The following ZBTB8A variants were observed in gnomAD, a reference collection of about 807,000 sequenced individuals.
The protein encoded by ZBTB8A is zinc finger and BTB domain-containing protein 8A.
In ZBTB8A, 19 loss-of-function variants were observed where a neutral mutation model predicts 37.8. That is an observed-to-expected ratio of 0.50 (90% CI 0.35 to 0.74). The LOEUF is 0.74. Ranked by LOEUF, ZBTB8A falls within the 30% of genes least tolerant of loss-of-function variation. ZBTB8A has a pLI of 0.01. For synonymous variants in ZBTB8A, 181 were observed against 185.2 expected (o/e 0.98, Z 0.19); for missense variants, 394 against 537.8 (o/e 0.73, Z 2.65).
At chr1:32,567,781 G>T in intron 2 of ZBTB8A, among the ~76,000 whole-genome samples, 1 of 92,364 alleles carries the variant, frequency 1.1e-5, no homozygotes, top group African/African-American at 4.2e-5. Flanking sequence ...GATAGAGCAG[G>T]ATTCTGTCTC....
At chr1:32,573,481 G>A (rs1644337995) in intron 2 of ZBTB8A, among the ~76,000 whole-genome samples, 1 of 150,412 alleles carries the variant, frequency 6.6e-6, no homozygotes, top group African/African-American at 2.4e-5. Context: ...CACCCAGGCT[G>A]ATGTGTGGTG....
At chr1:32,554,426 C>T (rs1215476801) in intron 2 of ZBTB8A, among the ~76,000 whole-genome samples, 4 of 150,940 alleles carry the variant, frequency 2.7e-5, no homozygotes, top group African/African-American at 9.7e-5. Context: ...CTTTTTTTAA[C>T]ACCCAGCATA....
chr1:32,583,380 C>CCA (rs1553179371), intron 2 of ZBTB8A, among the ~76,000 whole-genome samples: 8 of 68,124 alleles, frequency 1.2e-4, no homozygotes, highest in Non-Finnish European at 2.1e-4. Context: ...GACCCTGTCT[C>CCA]AAAAAAAAAA....
At position 32,586,464 on chromosome 1, in the gene ZBTB8A, A is replaced by G. The variant is rs186338052; in HGVS notation, c.-1-6467A>G. The stretch of plus-strand genomic sequence containing the variant: ...ATAGGCAAAGTCTCTTCTCTCTTGG[A>G]CTTTACATTTTAGTAGGAGAAGACA... On this transcript the variant is annotated intron_variant, in intron 2 of 4. Coordinates refer to ENST00000373510, the MANE Select transcript of ZBTB8A (RefSeq NM_001040441.3). Among the ~76,000 whole-genome samples, 22 of 152,284 alleles carry G rather than the reference A, an allele frequency of 1.4e-4. 1 individual carries two copies. The highest frequency in any genetic ancestry group is 4.6e-4 in the African/African-American group (19 of 41,530).
At chr1:32,551,012 C>G (rs903889172) in intron 1 of ZBTB8A, among the ~76,000 whole-genome samples, 2 of 150,796 alleles carry the variant, frequency 1.3e-5, no homozygotes, top group Non-Finnish European at 2.9e-5. Context: ...GTACGCTGGA[C>G]AGTAGTTAAT....
Position 32,592,935 on chromosome 1 carries a change from G to A in ZBTB8A, c.4G>A (p.Glu2Lys), listed in dbSNP as rs771134218. The A allele has an allele frequency of 1.3e-6, 2 of 1,594,768 alleles. No homozygotes were observed. The highest frequency in any genetic ancestry group is 2.7e-5 in the African/African-American group (2 of 74,058). M[E>K]ISSHQSHLLQ... ...CATGTGTCTTTTCCTCTTCAGAATG[G>A]AGATCTCCTCTCATCAGTCTCACCT... The change falls in exon 3 of 5, where the codon GAG (glutamate) becomes AAG (lysine). Residue 2 changes from glutamate (E) to lysine (K), a missense_variant. Physicochemically the swap from Glu to Lys is moderately conservative, Grantham distance 56 (BLOSUM62 1). Transcript: ENST00000373510.
intron 2 of ZBTB8A, among the ~76,000 whole-genome samples, chr1:32,579,860 A>G (rs577250582): frequency 4.9e-4 from 75 of 152,258 alleles, no homozygotes; most frequent in African/African-American, 1.8e-3. Context: ...ATGTGAAAAG[A>G]ATTTTACTTT....
chr1:32,584,894 T>A (rs553613999), intron 2 of ZBTB8A, among the ~76,000 whole-genome samples: 2 of 152,090 alleles, frequency 1.3e-5, no homozygotes, highest in African/African-American at 4.8e-5. Flanking sequence ...ATAGCCTCTT[T>A]TCCACACTTT....
intron 2 of ZBTB8A, among the ~76,000 whole-genome samples, chr1:32,588,320 G>C (rs1229580922): frequency 6.6e-6 from 1 of 152,066 alleles, no homozygotes; most frequent in African/African-American, 2.4e-5. Flanking sequence ...CAGGTACATA[G>C]TATTGGAATT....
intron 2 of ZBTB8A, among the ~76,000 whole-genome samples, chr1:32,589,307 G>A (rs970134130): frequency 6.6e-6 from 1 of 152,024 alleles, no homozygotes; most frequent in Admixed American, 6.5e-5. Flanking sequence ...CTGGAGTGCA[G>A]TGGCGCAATC....
intron 2 of ZBTB8A, among the ~76,000 whole-genome samples, chr1:32,558,828 CAAT>C (rs1454755011): frequency 1.4e-4 from 21 of 152,128 alleles, no homozygotes; most frequent in Admixed American, 5.9e-4. Context: ...TGATTGATGA[CAAT>C]GATGATAAGA....
intron 1 of ZBTB8A, among the ~76,000 whole-genome samples, chr1:32,541,324 T>C (rs1644051306): frequency 6.6e-6 from 1 of 152,112 alleles, no homozygotes; most frequent in East Asian, 1.9e-4. Context: ...TGACTCCATA[T>C]CCCATTGCTT....
chr1:32,595,529 A>G (rs1233675452), intron 4 of ZBTB8A, among the ~76,000 whole-genome samples: 1 of 151,052 alleles, frequency 6.6e-6, no homozygotes, highest in Non-Finnish European at 1.5e-5. Context: ...AGCCTCCCAA[A>G]AGTGCTGGGA....
At chr1:32,557,652 A>G (rs1380459224) in intron 2 of ZBTB8A, among the ~76,000 whole-genome samples, 6 of 151,950 alleles carry the variant, frequency 3.9e-5, no homozygotes, top group Non-Finnish European at 8.8e-5. Flanking sequence ...TTTTGTAGAG[A>G]TGAGGTTTCA....
chr1:32,584,508 CTTT>C (rs1177778440), intron 2 of ZBTB8A, among the ~76,000 whole-genome samples: 153 of 117,862 alleles, frequency 1.3e-3, no homozygotes, highest in Middle Eastern at 4.5e-3. Flanking sequence ...TTCTTTCTTT[CTTT>C]TTTTTTTTTT....
At chr1:32,558,429 T>C (rs1193614725) in intron 2 of ZBTB8A, among the ~76,000 whole-genome samples, 1 of 144,018 alleles carries the variant, frequency 6.9e-6, no homozygotes, top group East Asian at 2.0e-4. Context: ...CTAGAAGAGC[T>C]AAGTATTAAA....
At position 32,593,720 on chromosome 1, in the gene ZBTB8A, T is replaced by A. The variant is rs1232818585; in HGVS notation, c.789T>A (p.Gly263=). The A allele has an allele frequency of 6.2e-7, 1 of 1,613,456 alleles. No individual in the cohort carries two copies. The highest frequency in any genetic ancestry group is 8.5e-7 in the Non-Finnish European group (1 of 1,179,742). Residue 263 remains glycine (G), a synonymous_variant, in exon 3 of 5, where the codon GGT becomes GGA. Coordinates refer to ENST00000373510, the MANE Select transcript of ZBTB8A (RefSeq NM_001040441.3). ...MDSTPVGYQY[G]QGSDVTSKSF... is the part of the protein sequence containing the mutation. ...CTACTCCTGTTGGCTATCAGTACGG[T>A]CAAGGATCTGATGTCACATCCAAAA... is the stretch of plus-strand genomic sequence containing the variant.
At chr1:32,586,089 G>C (rs1262066570) in intron 2 of ZBTB8A, among the ~76,000 whole-genome samples, 2 of 151,952 alleles carry the variant, frequency 1.3e-5, no homozygotes, top group Admixed American at 1.3e-4. Flanking sequence ...AGGCCAAGGT[G>C]GGTGGATCAC....
At chr1:32,539,644 G>C (rs1644031670) in intron 1 of ZBTB8A, 72 bp downstream of exon 1, 1 of 146,342 alleles carries the variant, frequency 6.8e-6, no homozygotes, top group Non-Finnish European at 1.5e-5. Context: ...CCGCGAGCCT[G>C]GCCGCGGGCT....
Sources: allele counts gnomAD v4.1 joint callset (sites outside exome capture counted in the v4.1 genomes callset), GRCh38; gene constraint gnomAD v4.1.1; transcripts MANE v1.5; gene names NCBI Gene and HGNC (gene_info 2026-07-23, HGNC 2026-07-21).